The following AFF3 variants were observed in gnomAD, a reference collection of about 807,000 sequenced individuals.
AFF3 encodes ALF transcription elongation factor 3, also known as AF4/FMR2 family member 3.
In AFF3, 32 loss-of-function variants were observed where a neutral mutation model predicts 129.7. The ratio of observed to expected loss-of-function variants is 0.25; its 90% CI spans 0.19 to 0.33. The LOEUF is 0.33. Among genes scored for constraint, AFF3 ranks in the 10% least tolerant of loss-of-function variants. The pLI is 1.00. For synonymous variants in AFF3, 644 were observed against 635.4 expected (o/e 1.01, Z -0.20); for missense variants, 1,373 against 1,592.0 (o/e 0.86, Z 2.34).
chr2:99,748,694 A>T (rs1379888432), intron 9 of AFF3, among the ~76,000 whole-genome samples: 1 of 152,212 alleles, frequency 6.6e-6, no homozygotes, highest in Non-Finnish European at 1.5e-5. Context: ...ACACTGTGTC[A>T]TACTTCCATT....
chr2:99,593,611 C>T lies in AFF3; in HGVS notation c.2050G>A (p.Glu684Lys), dbSNP rs376226399. The change falls in exon 15 of 25, where the codon GAG (glutamate) becomes AAG (lysine). Residue 684 changes from glutamate to lysine, a missense_variant. Physicochemically the swap from Glu to Lys is moderately conservative, Grantham distance 56. Coordinates refer to ENST00000672756, the MANE Select transcript of AFF3 (RefSeq NM_001386135.1). ...SSSSDSDLES[E>K]QEEYPLSKAQ... ...TTGGACAGAGGGTACTCCTCCTGCT[C>T]GGACTCCAGGTCGGAGTCCGAGGAG... The T allele has an allele frequency of 8.7e-6, 14 of 1,611,890 alleles. No individual in the cohort carries two copies. The highest frequency in any genetic ancestry group is 2.2e-5 in the South Asian group (2 of 91,050).
chr2:99,623,176 A>G (rs1184464072), intron 13 of AFF3, among the ~76,000 whole-genome samples: 2 of 129,234 alleles, frequency 1.5e-5, no homozygotes, highest in African/African-American at 5.9e-5. Context: ...TTTTTAACTT[A>G]TAAGATAGGC....
chr2:99,975,868 G>GAA (rs5832890), intron 7 of AFF3, among the ~76,000 whole-genome samples: 1,726 of 74,586 alleles, frequency 0.023, 46 homozygotes, highest in African/African-American at 0.072. Context: ...AGATTAAAAT[G>GAA]AAAAAAAAAA....
intron 7 of AFF3, among the ~76,000 whole-genome samples, chr2:99,866,524 C>T (rs1192080603): frequency 6.6e-6 from 1 of 151,710 alleles, no homozygotes. Flanking sequence ...GAAACTGCCA[C>T]CATCATCACC....
intron 5 of AFF3, 87 bp from the exon 6 acceptor site, chr2:100,007,547 G>T: frequency 1.6e-6 from 2 of 1,255,030 alleles, no homozygotes; most frequent in Non-Finnish European, 2.2e-6. Flanking sequence ...CAATCACAGA[G>T]CCAGGGTTGT....
intron 14 of AFF3, among the ~76,000 whole-genome samples, chr2:99,598,460 G>A (rs536624871): frequency 2.0e-5 from 3 of 152,230 alleles, no homozygotes; most frequent in South Asian, 2.1e-4. Context: ...CATGCTACGC[G>A]GGAACATGGC....
intron 4 of AFF3, among the ~76,000 whole-genome samples, chr2:100,075,721 T>C (rs775929965): frequency 1.1e-4 from 16 of 152,216 alleles, no homozygotes; most frequent in Non-Finnish European, 1.5e-4. Flanking sequence ...TCTGATAGGT[T>C]CTGGCCAAAT....
At chr2:99,892,193 A>G (rs1693620634) in intron 7 of AFF3, among the ~76,000 whole-genome samples, 1 of 152,220 alleles carries the variant, frequency 6.6e-6, no homozygotes, top group Non-Finnish European at 1.5e-5. Context: ...TGGGCTCCAA[A>G]ATAAAAAGAG....
At chr2:99,841,485 G>C (rs1689313688) in intron 7 of AFF3, among the ~76,000 whole-genome samples, 1 of 152,214 alleles carries the variant, frequency 6.6e-6, no homozygotes, top group Admixed American at 6.5e-5. Flanking sequence ...ACAGTCTCAG[G>C]AAGTCCTGGC....
intron 4 of AFF3, among the ~76,000 whole-genome samples, chr2:100,084,825 T>C (rs1406678467): frequency 6.0e-5 from 9 of 151,254 alleles, no homozygotes; most frequent in East Asian, 1.9e-4. Flanking sequence ...AGGATTTATA[T>C]AGATTGTCCA....
intron 7 of AFF3, among the ~76,000 whole-genome samples, chr2:99,879,882 T>C (rs1335034232): frequency 6.6e-6 from 1 of 152,224 alleles, no homozygotes; most frequent in Admixed American, 6.5e-5. Flanking sequence ...GAGTATCAGC[T>C]ATCACTGTAA....
intron 10 of AFF3, among the ~76,000 whole-genome samples, chr2:99,743,686 C>T (rs1337407521): frequency 1.3e-5 from 2 of 152,116 alleles, no homozygotes; most frequent in South Asian, 2.1e-4. Flanking sequence ...TATACCCAGC[C>T]GGTTGTGACT....
In AFF3 at chr2:100,060,812, T is replaced by A. The variant is rs559476074; in HGVS notation, c.53+43590A>T. ...ATACTATTGACTACACGCTACACTTTCTTTGGATTTCACAACTTTTTTCCC... is the reference window on the plus strand; with the variant it reads ...ATACTATTGACTACACGCTACACTTACTTTGGATTTCACAACTTTTTTCCC... On this transcript the variant is annotated intron_variant, in intron 4 of 24. Coordinates refer to ENST00000672756, the MANE Select transcript of AFF3 (RefSeq NM_001386135.1). 3.2e-4 allele frequency among the ~76,000 whole-genome samples: 49 copies of A among 152,266 alleles called. No individual in the cohort carries two copies. The South Asian group carries it at 7.3e-3, about 23-fold the overall frequency.
chr2:99,630,841 G>A, intron 13 of AFF3: 1 of 248,020 alleles, frequency 4.0e-6, no homozygotes, highest in South Asian at 4.0e-5. Flanking sequence ...TTGACATGTG[G>A]GGATGACAAT....
intron 13 of AFF3, among the ~76,000 whole-genome samples, chr2:99,646,178 C>T (rs1368444461): frequency 6.6e-6 from 1 of 152,178 alleles, no homozygotes; most frequent in Non-Finnish European, 1.5e-5. Flanking sequence ...AACAAAATAG[C>T]TCCGGCCTTG....
chr2:99,664,144 A>G (rs752362570), intron 12 of AFF3, among the ~76,000 whole-genome samples: 8 of 152,260 alleles, frequency 5.3e-5, no homozygotes, highest in Non-Finnish European at 8.8e-5. Flanking sequence ...ACAGTTACAG[A>G]AAGGAGATCA....
At chr2:99,650,983 G>A (rs1685192056) in intron 12 of AFF3, among the ~76,000 whole-genome samples, 1 of 152,058 alleles carries the variant, frequency 6.6e-6, no homozygotes, top group South Asian at 2.1e-4. Context: ...AGACCAGCCT[G>A]ACCAACAGGG....
intron 7 of AFF3, among the ~76,000 whole-genome samples, chr2:99,900,231 G>A (rs1171877064): frequency 6.6e-6 from 1 of 152,188 alleles, no homozygotes; most frequent in Admixed American, 6.5e-5. Flanking sequence ...TGATGATGAT[G>A]AAAGTACATG....
intron 8 of AFF3, among the ~76,000 whole-genome samples, chr2:99,759,969 C>T (rs1223279017): frequency 1.3e-5 from 2 of 152,084 alleles, no homozygotes; most frequent in Admixed American, 6.5e-5. Context: ...GTTTGTGGTA[C>T]CTTACAACCA....
Sources: allele counts gnomAD v4.1 joint callset (sites outside exome capture counted in the v4.1 genomes callset), GRCh38; gene constraint gnomAD v4.1.1; transcripts MANE v1.5; gene names NCBI Gene and HGNC (gene_info 2026-07-23, HGNC 2026-07-21).